Variants in ZNF804B observed in about 807,000 individuals in gnomAD.
The protein encoded by ZNF804B is zinc finger protein 804B.
A neutral mutation model predicts 101.4 loss-of-function variants in ZNF804B; 80 were observed. That is an observed-to-expected ratio of 0.79 (90% CI 0.66 to 0.95). The LOEUF is 0.95. Ranked by LOEUF, ZNF804B falls within the 40% of genes least tolerant of loss-of-function variation. The probability of loss-of-function intolerance (pLI) is 0.00; values close to 1 mark genes in which losing one functional copy is unlikely to be tolerated. For synonymous variants in ZNF804B, 622 were observed against 558.8 expected (o/e 1.11, Z -1.59); for missense variants, 1,673 against 1,561.9 (o/e 1.07, Z -1.20).
chr7:89,149,997 T>C (rs1227380180), intron 1 of ZNF804B, among the ~76,000 whole-genome samples: 1 of 152,030 alleles, frequency 6.6e-6, no homozygotes, highest in East Asian at 1.9e-4. Context: ...CTATCCATGG[T>C]TTCAGTTACT....
At chr7:89,050,477 T>C (rs7782027) in intron 1 of ZNF804B, among the ~76,000 whole-genome samples, 125,783 of 152,198 alleles carry the variant, frequency 0.83, 52,550 homozygotes, top group African/African-American at 0.96. Context: ...GGTTTTACAA[T>C]TAATTCCTTG....
intron 2 of ZNF804B, among the ~76,000 whole-genome samples, chr7:89,271,957 T>A (rs934556832): frequency 6.6e-6 from 1 of 152,070 alleles, no homozygotes; most frequent in Admixed American, 6.6e-5. Flanking sequence ...CATGAAAAAA[T>A]TTGTCTTTTA....
chr7:88,971,656 T>TA lies in ZNF804B; in HGVS notation c.108+211577dup, dbSNP rs1180244236. Among the ~76,000 whole-genome samples, 7 of 151,772 alleles carry TA rather than the reference T, an allele frequency of 4.6e-5. No individual in the cohort carries two copies. The East Asian group carries it at 9.8e-4, about 21-fold the overall frequency. On this transcript the variant is annotated intron_variant, in intron 1 of 3. Coordinates refer to ENST00000333190, the MANE Select transcript of ZNF804B (RefSeq NM_181646.5). ...TGGGACACATAATTGTAACCTAAGATAAAAATTGTATTCTTTTTAGTGGCA... is the reference window on the plus strand; with the variant it reads ...TGGGACACATAATTGTAACCTAAGATAAAAAATTGTATTCTTTTTAGTGGCA...
intron 1 of ZNF804B, among the ~76,000 whole-genome samples, chr7:88,784,231 C>G (rs1313197591): frequency 1.3e-5 from 2 of 152,104 alleles, no homozygotes; most frequent in African/African-American, 2.4e-5. Context: ...AAAGTTTGAC[C>G]ATGGAAATAG....
intron 1 of ZNF804B, among the ~76,000 whole-genome samples, chr7:88,999,721 A>C (rs1466006427): frequency 6.6e-6 from 1 of 152,076 alleles, no homozygotes; most frequent in Non-Finnish European, 1.5e-5. Context: ...TTTTACAAGA[A>C]GCTTATTTAA....
At chr7:88,792,725 G>T (rs1001094834) in intron 1 of ZNF804B, among the ~76,000 whole-genome samples, 5 of 151,920 alleles carry the variant, frequency 3.3e-5, no homozygotes, top group Admixed American at 1.3e-4. Context: ...AATTTTGAAA[G>T]TTATATACTC....
intron 1 of ZNF804B, among the ~76,000 whole-genome samples, chr7:88,841,572 G>C (rs1791292709): frequency 6.6e-6 from 1 of 152,082 alleles, no homozygotes; most frequent in Admixed American, 6.6e-5. Context: ...CTCTTCCTTT[G>C]GCTGATTTCA....
intron 1 of ZNF804B, among the ~76,000 whole-genome samples, chr7:88,874,664 A>T (rs1346990163): frequency 6.6e-6 from 1 of 152,102 alleles, no homozygotes; most frequent in Non-Finnish European, 1.5e-5. Flanking sequence ...TAATTTATTG[A>T]GAGTTTTTAG....
At chr7:88,875,337 C>CA (rs1034716153) in intron 1 of ZNF804B, among the ~76,000 whole-genome samples, 1 of 151,702 alleles carries the variant, frequency 6.6e-6, no homozygotes, top group Non-Finnish European at 1.5e-5. Context: ...AATAGAGACA[C>CA]AAAAAACCCT....
intron 2 of ZNF804B, among the ~76,000 whole-genome samples, chr7:89,228,089 G>C (rs1286544086): frequency 2.6e-5 from 4 of 151,982 alleles, no homozygotes; most frequent in African/African-American, 9.7e-5. Context: ...CAGCTCTTAA[G>C]GTGGCACGTC....
intron 1 of ZNF804B, among the ~76,000 whole-genome samples, chr7:89,086,552 C>T (rs1789804706): frequency 6.6e-6 from 1 of 151,828 alleles, no homozygotes; most frequent in African/African-American, 2.4e-5. Context: ...AAACTGCAAA[C>T]ATTTGTGGGA....
Position 89,335,984 on chromosome 7 carries a change from C to A in ZNF804B, c.3002C>A (p.Thr1001Lys). The A allele has an allele frequency of 6.2e-7, 1 of 1,613,934 alleles. No homozygotes were observed. Among genetic ancestry groups the A allele is most frequent in the Non-Finnish European group, 8.5e-7 (1 of 1,179,950 alleles). The change falls in exon 4 of 4, where the codon ACG becomes AAG. Residue 1001 changes from threonine to lysine, a missense_variant. Thr to Lys is a moderately conservative substitution (Grantham distance 78). Coordinates refer to ENST00000333190, the MANE Select transcript of ZNF804B (RefSeq NM_181646.5). The part of the protein sequence containing the change: ...NDQDSAIPRT[T>K]EKDKSKSSHT... The stretch of plus-strand genomic sequence containing the variant: ...CAAGACAGTGCAATTCCAAGGACTA[C>A]GGAGAAAGACAAAAGCAAAAGTTCA...
At chr7:89,160,704 T>C (rs1021325681) in intron 1 of ZNF804B, among the ~76,000 whole-genome samples, 1 of 152,146 alleles carries the variant, frequency 6.6e-6, no homozygotes, top group Non-Finnish European at 1.5e-5. Flanking sequence ...ACTTTTGTGG[T>C]TGTTATTATC....
chr7:88,938,397 G>C (rs114961395), intron 1 of ZNF804B, among the ~76,000 whole-genome samples: 4,812 of 152,040 alleles, frequency 0.032, 76 homozygotes, highest in Middle Eastern at 0.041. Flanking sequence ...ATAGATGCAT[G>C]TTCTTCCCCA....
intron 1 of ZNF804B, among the ~76,000 whole-genome samples, chr7:88,949,631 C>T (rs2116064593): frequency 6.6e-6 from 1 of 151,722 alleles, no homozygotes; most frequent in South Asian, 2.1e-4. Flanking sequence ...CTAAAAATAC[C>T]TTATATATTT....
At chr7:89,270,749 T>C (rs1431675085) in intron 2 of ZNF804B, among the ~76,000 whole-genome samples, 4 of 152,204 alleles carry the variant, frequency 2.6e-5, no homozygotes, top group Admixed American at 2.6e-4. Context: ...CGTTGAGCAA[T>C]GGTTTGTAGT....
chr7:89,197,340 A>T (rs953829341), intron 1 of ZNF804B, among the ~76,000 whole-genome samples: 1 of 151,948 alleles, frequency 6.6e-6, no homozygotes, highest in East Asian at 1.9e-4. Context: ...CAGGGACAAT[A>T]TGCGTTGCCA....
At chr7:89,165,772 G>A (rs1405778865) in intron 1 of ZNF804B, among the ~76,000 whole-genome samples, 1 of 151,926 alleles carries the variant, frequency 6.6e-6, no homozygotes, top group East Asian at 1.9e-4. Flanking sequence ...ACTTCAACTT[G>A]GTTCAACTTT....
At chr7:88,844,179 C>T (rs190702633) in intron 1 of ZNF804B, among the ~76,000 whole-genome samples, 19 of 152,142 alleles carry the variant, frequency 1.2e-4, no homozygotes, top group South Asian at 2.1e-4. Context: ...AACATTTCTC[C>T]CATTATAATG....
Sources: allele counts gnomAD v4.1 joint callset (sites outside exome capture counted in the v4.1 genomes callset), GRCh38; gene constraint gnomAD v4.1.1; transcripts MANE v1.5; gene names NCBI Gene and HGNC (gene_info 2026-07-23, HGNC 2026-07-21).